KLHL1: variants seen among roughly 807,000 people sequenced by gnomAD.
KLHL1 encodes kelch-like protein 1.
A neutral mutation model predicts 77.7 loss-of-function variants in KLHL1; 47 were observed. That is an observed-to-expected ratio of 0.60 (90% CI 0.48 to 0.77). The LOEUF (loss-of-function observed/expected upper bound fraction) is 0.77. KLHL1 is among the 30% of genes least tolerant of loss of function. The pLI, the probability that KLHL1 is intolerant of heterozygous loss-of-function variation, is 0.00. For missense variants in KLHL1, 925 were observed against 910.8 expected (o/e 1.02, Z -0.20); for synonymous variants, 360 against 325.2 (o/e 1.11, Z -1.15).
intron 1 of KLHL1, among the ~76,000 whole-genome samples, chr13:70,074,295 G>A (rs1156497425): frequency 6.6e-6 from 1 of 152,068 alleles, no homozygotes; most frequent in African/African-American, 2.4e-5. Flanking sequence ...CACTACAGTT[G>A]CCACTCCTTT....
intron 8 of KLHL1, among the ~76,000 whole-genome samples, chr13:69,733,940 T>A (rs553363352): frequency 6.6e-6 from 1 of 152,260 alleles, no homozygotes; most frequent in Non-Finnish European, 1.5e-5. Context: ...AGGAAACAAC[T>A]GAAATATCCA....
At chr13:69,901,260 G>A (rs1193495795) in intron 4 of KLHL1, among the ~76,000 whole-genome samples, 2 of 152,130 alleles carry the variant, frequency 1.3e-5, no homozygotes, top group Admixed American at 1.3e-4. Flanking sequence ...CACATCACAA[G>A]AAAATGTCCT....
chr13:70,005,301 TGATTAA>T (rs1484600514), intron 1 of KLHL1, among the ~76,000 whole-genome samples: 3 of 151,360 alleles, frequency 2.0e-5, no homozygotes, highest in African/African-American at 7.2e-5. Context: ...CAAATTAAAT[TGATTAA>T]GATTAATATA....
chr13:69,952,421 C>T (rs865800045), intron 3 of KLHL1, among the ~76,000 whole-genome samples: 1 of 151,282 alleles, frequency 6.6e-6, no homozygotes, highest in African/African-American at 2.4e-5. Context: ...AACTTTTATT[C>T]TGCATTATCC....
intron 4 of KLHL1, among the ~76,000 whole-genome samples, chr13:69,898,794 A>AT (rs930887308): frequency 6.6e-6 from 1 of 152,158 alleles, no homozygotes; most frequent in East Asian, 1.9e-4. Flanking sequence ...TCCTTGAGAC[A>AT]TTTTTTTCTA....
At chr13:69,798,436 A>G (rs1877225517) in intron 6 of KLHL1, among the ~76,000 whole-genome samples, 1 of 152,176 alleles carries the variant, frequency 6.6e-6, no homozygotes, top group South Asian at 2.1e-4. Context: ...CAATAATTAG[A>G]TATGTCAAAT....
intron 1 of KLHL1, among the ~76,000 whole-genome samples, chr13:70,026,689 A>G (rs1349747746): frequency 1.4e-5 from 2 of 147,494 alleles, no homozygotes; most frequent in Admixed American, 7.0e-5. Flanking sequence ...GTTGCTGTCA[A>G]TTTAAGAACT....
At chr13:69,939,568 G>T (rs1883301884) in intron 4 of KLHL1, among the ~76,000 whole-genome samples, 1 of 151,630 alleles carries the variant, frequency 6.6e-6, no homozygotes, top group African/African-American at 2.4e-5. Flanking sequence ...AGATATGCCT[G>T]GGGCAATTTT....
intron 5 of KLHL1, among the ~76,000 whole-genome samples, chr13:69,879,129 C>T (rs994019791): frequency 2.6e-5 from 4 of 152,042 alleles, no homozygotes; most frequent in Non-Finnish European, 4.4e-5. Context: ...GGGTGCAGCA[C>T]GCCAACATGG....
At chr13:69,833,764 T>TATATAC (rs1555272110) in intron 6 of KLHL1, among the ~76,000 whole-genome samples, 1 of 148,182 alleles carries the variant, frequency 6.7e-6, no homozygotes, top group Non-Finnish European at 1.5e-5. Context: ...TATATATATA[T>TATATAC]ATACATACAT....
At chr13:70,106,103 G>T (rs189595427) in intron 1 of KLHL1, among the ~76,000 whole-genome samples, 2 of 151,212 alleles carry the variant, frequency 1.3e-5, no homozygotes, top group Admixed American at 1.3e-4. Flanking sequence ...ACACATATAG[G>T]TTATACATAT....
intron 1 of KLHL1, among the ~76,000 whole-genome samples, chr13:70,004,745 A>T (rs1885368358): frequency 2.0e-5 from 3 of 151,910 alleles, no homozygotes; most frequent in Admixed American, 1.3e-4. Context: ...ATTACACCCA[A>T]ATAACTTTAT....
At chr13:69,809,341 C>A (rs1312074444) in intron 6 of KLHL1, among the ~76,000 whole-genome samples, 2 of 152,098 alleles carry the variant, frequency 1.3e-5, no homozygotes, top group Non-Finnish European at 2.9e-5. Flanking sequence ...GGAAACCTGG[C>A]AGACTAACAA....
In KLHL1 at chr13:70,040,387, A is replaced by C. The variant is rs565901194; in HGVS notation, c.498-64585T>G. Among the ~76,000 whole-genome samples the C allele has an allele frequency of 5.3e-5, 8 of 152,306 alleles. No homozygotes were observed. The East Asian group carries it at 1.4e-3, about 26-fold the overall frequency. On this transcript the variant is annotated intron_variant, in intron 1 of 10. Transcript: ENST00000377844. ...CTACTTGGGTGTCAGGATCATTAGA[A>C]GCACAAACCTCAGCATCATGCAGTA...
At chr13:70,072,893 A>T (rs1887170691) in intron 1 of KLHL1, among the ~76,000 whole-genome samples, 1 of 152,122 alleles carries the variant, frequency 6.6e-6, no homozygotes, top group African/African-American at 2.4e-5. Flanking sequence ...CTAAGAAACA[A>T]ATCAAGGATT....
intron 7 of KLHL1, among the ~76,000 whole-genome samples, chr13:69,792,319 T>C (rs1876908787): frequency 6.6e-6 from 1 of 152,024 alleles, no homozygotes; most frequent in Admixed American, 6.6e-5. Flanking sequence ...CAAAAATAAT[T>C]AGAAATGAGA....
chr13:69,795,428 CATGT>C (rs1242939382), intron 7 of KLHL1, among the ~76,000 whole-genome samples: 6 of 152,190 alleles, frequency 3.9e-5, no homozygotes, highest in African/African-American at 1.2e-4. Flanking sequence ...ATCTGTCTAA[CATGT>C]ATGTTCTAAA....
rs767329129 is a variant in KLHL1, at chr13:69,961,321, T to C, written c.804A>G (p.Gln268=). The C allele has an allele frequency of 1.9e-6, 3 of 1,611,746 alleles. No individual in the cohort carries two copies. Among genetic ancestry groups the C allele is most frequent in the Non-Finnish European group, 1.7e-6 (2 of 1,178,470 alleles). Residue 268 remains glutamine, a synonymous_variant, in exon 3 of 11, where the codon CAA becomes CAG. Coordinates refer to ENST00000377844, the MANE Select transcript of KLHL1 (RefSeq NM_020866.3). The part of the protein sequence containing the change: ...IDPNALWDLV[Q]FAYTGCLELK... Reference sequence around the variant, plus strand: ...ATTTTGCCATACCTGTATATGCAAATTGGACAAGGTCCCAGAGAGCATTGG... The same window carrying C: ...ATTTTGCCATACCTGTATATGCAAACTGGACAAGGTCCCAGAGAGCATTGG...
intron 8 of KLHL1, among the ~76,000 whole-genome samples, chr13:69,723,403 T>C (rs1250598097): frequency 6.6e-6 from 1 of 152,156 alleles, no homozygotes; most frequent in Non-Finnish European, 1.5e-5. Flanking sequence ...TTAGACAATA[T>C]ATACAAGTAT....
Sources: gnomAD v4.1 joint callset for allele counts (sites outside exome capture counted in the v4.1 genomes callset) on GRCh38, gnomAD v4.1.1 for gene constraint, MANE v1.5 for transcripts, NCBI Gene and HGNC (gene_info 2026-07-23, HGNC 2026-07-21) for gene names.